Variants in LMF1 observed in about 807,000 individuals in gnomAD.
LMF1 encodes the protein lipase maturation factor 1, also known as transmembrane protein 112.
A neutral mutation model predicts 60.6 loss-of-function variants in LMF1; 68 were observed. That is an observed-to-expected ratio of 1.12 (90% CI 0.92 to 1.37). The LOEUF (loss-of-function observed/expected upper bound fraction) is 1.37. LMF1 is among the 40% of genes most tolerant of loss of function. The probability of loss-of-function intolerance (pLI) is 0.00; values close to 1 mark genes in which losing one functional copy is unlikely to be tolerated. For synonymous variants in LMF1, 418 were observed against 324.7 expected (o/e 1.29, Z -3.09); for missense variants, 948 against 767.2 (o/e 1.24, Z -2.78).
At chr16:928,291 A>G (rs2071670214) in intron 3 of LMF1, among the ~76,000 whole-genome samples, 1 of 152,192 alleles carries the variant, frequency 6.6e-6, no homozygotes, top group Admixed American at 6.5e-5. Flanking sequence ...CACCTGGCCC[A>G]GCATGGAGGA....
intron 3 of LMF1, among the ~76,000 whole-genome samples, chr16:914,601 C>T: frequency 6.6e-6 from 1 of 152,088 alleles, no homozygotes; most frequent in Non-Finnish European, 1.5e-5. Context: ...CCACTGGTGA[C>T]ACACTCCCTC....
rs2069134479 is a variant in LMF1 at position 854,527 on chromosome 16, C to T, written c.*5G>A. On this transcript the variant is annotated 3_prime_UTR_variant, in exon 11 of 11. Coordinates refer to ENST00000262301, the MANE Select transcript of LMF1 (RefSeq NM_022773.4). ...TGGGTCTTCGCCTTTATTTCTGGTG[C>T]ACGTCTAGAGGGGCCCGGGCAGAGG... 1 of 1,605,342 alleles carries T rather than the reference C, an allele frequency of 6.2e-7. No individual in the cohort carries two copies. The highest frequency in any genetic ancestry group is 8.5e-7 in the Non-Finnish European group (1 of 1,178,350).
intron 3 of LMF1, among the ~76,000 whole-genome samples, chr16:931,026 C>T (rs2071766647): frequency 6.6e-6 from 1 of 151,982 alleles, no homozygotes; most frequent in Non-Finnish European, 1.5e-5. Flanking sequence ...GAGGCTGAGG[C>T]AGGAGAATCA....
chr16:979,445 C>T, intron 1 of LMF1: 1 of 357,292 alleles, frequency 2.8e-6, no homozygotes, highest in Non-Finnish European at 5.5e-6. Flanking sequence ...CCCAGCACCT[C>T]CCCTGGTGAT....
At chr16:950,677 A>G (rs1343451538) in intron 2 of LMF1, among the ~76,000 whole-genome samples, 1 of 150,906 alleles carries the variant, frequency 6.6e-6, no homozygotes, top group Non-Finnish European at 1.5e-5. Context: ...AGAGACAATG[A>G]CAGAGTCAGC....
intron 1 of LMF1, among the ~76,000 whole-genome samples, chr16:955,397 TACACGCAC>T (rs113775749): frequency 1.1e-5 from 1 of 87,068 alleles, no homozygotes; most frequent in Non-Finnish European, 2.1e-5. Flanking sequence ...GGTGTGTGCA[TACACGCAC>T]ACACATGTAA....
intron 2 of LMF1, among the ~76,000 whole-genome samples, chr16:949,314 C>CA (rs2072365020): frequency 7.0e-6 from 1 of 143,328 alleles, no homozygotes; most frequent in African/African-American, 2.5e-5. Flanking sequence ...GAGACAACGA[C>CA]AGAGTCAGCC....
Position 952,877 on chromosome 16 carries a change from A to ACGTC in LMF1, c.503+1479_503+1480insGACG, listed in dbSNP as rs1464167762. Among the ~76,000 whole-genome samples, 79 of 140,852 alleles carry ACGTC rather than the reference A, an allele frequency of 5.6e-4. 10 individuals are homozygous for ACGTC. Among genetic ancestry groups the ACGTC allele is most frequent in the African/African-American group, 8.1e-4 (30 of 36,910 alleles). 92.4% of individuals were successfully genotyped at this position (140,852 alleles called of 152,430 possible). On this transcript the variant is annotated intron_variant, in intron 2 of 10. Coordinates refer to ENST00000262301, the MANE Select transcript of LMF1 (RefSeq NM_022773.4). ...CACCCACCCCAAACCAGCCTCCTAC[A>ACGTC]CATCCACACAGACACCCACCCCAAA...
chr16:915,838 AGATGCAGGGGCCGGAGCACGTGG>A (rs1201418035), intron 3 of LMF1, among the ~76,000 whole-genome samples: 2 of 151,824 alleles, frequency 1.3e-5, no homozygotes, highest in Non-Finnish European at 2.9e-5. Flanking sequence ...GGAGCAGGTG[AGATGCAGGGGCCGGAGCACGTGG>A]GACGCGGGGG....
At chr16:955,290 A>G (rs1455449528) in intron 1 of LMF1, among the ~76,000 whole-genome samples, 1 of 150,188 alleles carries the variant, frequency 6.7e-6, no homozygotes, top group Non-Finnish European at 1.5e-5. Flanking sequence ...CAAGTTACAT[A>G]AAAGGCGTGC....
chr16:929,988 G>A (rs1466359838), intron 3 of LMF1, among the ~76,000 whole-genome samples: 1 of 151,494 alleles, frequency 6.6e-6, no homozygotes, highest in Non-Finnish European at 1.5e-5. Flanking sequence ...GCAGGACCCT[G>A]GGACACAGAG....
chr16:860,403 G>GCACA (rs2069425485), intron 10 of LMF1, among the ~76,000 whole-genome samples: 1 of 149,552 alleles, frequency 6.7e-6, no homozygotes, highest in African/African-American at 2.5e-5. Flanking sequence ...GTGGTGGTGT[G>GCACA]ATCTCGGCTC....
chr16:979,448 C>T (rs1397809624), intron 1 of LMF1: 1 of 358,116 alleles, frequency 2.8e-6, no homozygotes, highest in Non-Finnish European at 5.5e-6. Flanking sequence ...AGCACCTCCC[C>T]TGGTGATCAC....
At chr16:905,802 T>A (rs2070959602) in intron 4 of LMF1, among the ~76,000 whole-genome samples, 1 of 152,136 alleles carries the variant, frequency 6.6e-6, no homozygotes, top group East Asian at 1.9e-4. Flanking sequence ...TCTTTCAGGG[T>A]CTCACTATGT....
intron 3 of LMF1, among the ~76,000 whole-genome samples, chr16:921,715 T>TGCGCTGAA (rs1296316095): frequency 5.3e-5 from 8 of 152,108 alleles, no homozygotes; most frequent in Non-Finnish European, 1.0e-4. Flanking sequence ...CACCCTGATG[T>TGCGCTGAA]GCGCTGAAGC....
chr16:888,515 A>G (rs914061421), intron 5 of LMF1, among the ~76,000 whole-genome samples: 24 of 152,340 alleles, frequency 1.6e-4, no homozygotes, highest in African/African-American at 5.3e-4. Flanking sequence ...GAGAGAGGAC[A>G]GGCCCGGATT....
intron 2 of LMF1, among the ~76,000 whole-genome samples, chr16:936,180 C>T (rs1448774639): frequency 7.5e-5 from 10 of 133,462 alleles, no homozygotes; most frequent in Middle Eastern, 5.3e-3. Context: ...GAGGGGGCAC[C>T]GTGTGGGCTG....
At chr16:871,999 A>C (rs377134003) in intron 6 of LMF1, 1 of 152,304 alleles carries the variant, frequency 6.6e-6, no homozygotes, top group Non-Finnish European at 1.5e-5. Context: ...GGAGGGACTC[A>C]GAGGGACCCG....
intron 3 of LMF1, among the ~76,000 whole-genome samples, chr16:928,839 C>A (rs2071687986): frequency 6.6e-6 from 1 of 152,210 alleles, no homozygotes; most frequent in Non-Finnish European, 1.5e-5. Flanking sequence ...CCCGTACACA[C>A]CCAAGTCCAT....
Sources: allele counts gnomAD v4.1 joint callset (sites outside exome capture counted in the v4.1 genomes callset), GRCh38; gene constraint gnomAD v4.1.1; transcripts MANE v1.5; gene names NCBI Gene and HGNC (gene_info 2026-07-23, HGNC 2026-07-21).